Variants in MAP4K4 observed in about 807,000 individuals in gnomAD.
MAP4K4 encodes HPK/GCK-like kinase HGK.
In MAP4K4, 38 loss-of-function variants were observed where a neutral mutation model predicts 189.6. That is an observed-to-expected ratio of 0.20 (90% CI 0.15 to 0.26). The LOEUF (loss-of-function observed/expected upper bound fraction) is 0.26, where lower values mean the gene tolerates loss of function less well. MAP4K4 is among the 10% of genes least tolerant of loss of function. The pLI, the probability that MAP4K4 is intolerant of heterozygous loss-of-function variation, is 1.00. For synonymous variants in MAP4K4, 610 were observed against 624.3 expected, an observed-to-expected ratio of 0.98 and a Z score of 0.34; for missense variants, 1,054 against 1,726.9, an observed-to-expected ratio of 0.61 and a Z score of 6.91.
chr2:101,886,356 A>G (rs1433648552), intron 29 of MAP4K4, among the ~76,000 whole-genome samples: 4 of 152,040 alleles, frequency 2.6e-5, no homozygotes, highest in South Asian at 2.1e-4. Flanking sequence ...CCTTTTCACC[A>G]TTTTAGTCTA....
chr2:101,780,640 A>G (rs2086850954), intron 2 of MAP4K4, among the ~76,000 whole-genome samples: 1 of 152,210 alleles, frequency 6.6e-6, no homozygotes, highest in South Asian at 2.1e-4. Flanking sequence ...TAGCTTTACA[A>G]GGTGTGTTTT....
At chr2:101,698,713 G>C (rs560742965) in intron 2 of MAP4K4, among the ~76,000 whole-genome samples, 175 bp downstream of exon 2, 1 of 152,160 alleles carries the variant, frequency 6.6e-6, no homozygotes, top group African/African-American at 2.4e-5. Flanking sequence ...TTTATATTCA[G>C]ACTGGCCTTA....
chr2:101,698,639 G>T, intron 2 of MAP4K4, 101 bp downstream of exon 2: 1 of 1,146,622 alleles, frequency 8.7e-7, no homozygotes, highest in Non-Finnish European at 1.3e-6. Context: ...AGGCCACGCC[G>T]CTTGGCCAAA....
At chr2:101,793,390 A>C (rs1008380348) in intron 3 of MAP4K4, among the ~76,000 whole-genome samples, 2 of 152,136 alleles carry the variant, frequency 1.3e-5, no homozygotes, top group Admixed American at 1.3e-4. Context: ...CCAAGCCTGC[A>C]TGTCAAAGCT....
At chr2:101,702,456 C>T (rs1286522257) in intron 2 of MAP4K4, among the ~76,000 whole-genome samples, 1 of 152,018 alleles carries the variant, frequency 6.6e-6, no homozygotes, top group African/African-American at 2.4e-5. Flanking sequence ...GTAATCCCGG[C>T]TACTCAGGAG....
Position 101,876,996 on chromosome 2 carries a change from G to T in MAP4K4, c.3242-7G>T. 6.2e-7 allele frequency: 1 copy of T among 1,613,842 alleles called. No homozygotes were observed. The highest frequency in any genetic ancestry group is 8.5e-7 in the Non-Finnish European group (1 of 1,179,818). On this transcript the variant is annotated splice_polypyrimidine_tract_variant and splice_region_variant and intron_variant, in intron 26 of 32. Coordinates refer to ENST00000324219, the Ensembl canonical transcript of MAP4K4. ...AAAATTGAGGCCTTTCTGTGTCCCT[G>T]AAACAGGAGTGAATTTGCTAGTGGG...
intron 2 of MAP4K4, among the ~76,000 whole-genome samples, chr2:101,730,115 T>G (rs17025993): frequency 0.015 from 2,270 of 152,328 alleles, 58 homozygotes; most frequent in African/African-American, 0.051. Context: ...AAAGGCTTAT[T>G]ATAAGGTTTC....
At chr2:101,721,462 G>A (rs1321587493) in intron 2 of MAP4K4, among the ~76,000 whole-genome samples, 1 of 148,478 alleles carries the variant, frequency 6.7e-6, no homozygotes, top group Non-Finnish European at 1.5e-5. Context: ...TTGAGATGGA[G>A]TGTTGCTCTG....
intron 2 of MAP4K4, among the ~76,000 whole-genome samples, chr2:101,788,155 C>T (rs1298373678): frequency 1.3e-5 from 2 of 152,058 alleles, no homozygotes; most frequent in African/African-American, 4.8e-5. Context: ...CATTCCCTCC[C>T]CTTATATTGG....
intron 6 of MAP4K4, among the ~76,000 whole-genome samples, chr2:101,830,365 C>T (rs1328117910): frequency 6.6e-6 from 1 of 152,136 alleles, no homozygotes; most frequent in Non-Finnish European, 1.5e-5. Flanking sequence ...TGGAGTTACT[C>T]ACAAGGGTTC....
At chr2:101,835,227 GT>G (rs1481322156) in intron 8 of MAP4K4, among the ~76,000 whole-genome samples, 2 of 152,132 alleles carry the variant, frequency 1.3e-5, no homozygotes, top group African/African-American at 4.8e-5. Context: ...CTTTCTCTCA[GT>G]TTTTGTTCAC....
chr2:101,770,491 G>T (rs2150343954), intron 2 of MAP4K4, among the ~76,000 whole-genome samples: 1 of 152,164 alleles, frequency 6.6e-6, no homozygotes, highest in African/African-American at 2.4e-5. Flanking sequence ...TGGGCAGGCT[G>T]GTCTTGAACT....
At chr2:101,795,892 TATA>T (rs2093633819) in intron 3 of MAP4K4, among the ~76,000 whole-genome samples, 1 of 152,212 alleles carries the variant, frequency 6.6e-6, no homozygotes, top group Non-Finnish European at 1.5e-5. Flanking sequence ...TTCACAGTAT[TATA>T]ATAATATTAC....
intron 28 of MAP4K4, among the ~76,000 whole-genome samples, chr2:101,884,131 C>T (rs986422255): frequency 7.2e-5 from 11 of 152,074 alleles, no homozygotes; most frequent in Non-Finnish European, 1.2e-4. Context: ...GAATGAATCA[C>T]AAGTATTTTC....
At chr2:101,838,783 T>C (rs1399326268) in intron 9 of MAP4K4, among the ~76,000 whole-genome samples, 2 of 152,244 alleles carry the variant, frequency 1.3e-5, no homozygotes, top group South Asian at 4.1e-4. Context: ...TACCAGACAA[T>C]AGAAGTGATT....
chr2:101,854,950 T>A (rs752050791), intron 12 of MAP4K4, among the ~76,000 whole-genome samples: 1 of 152,224 alleles, frequency 6.6e-6, no homozygotes, highest in Non-Finnish European at 1.5e-5. Context: ...TCATTCATGC[T>A]AGCTATATTT....
chr2:101,734,728 GCTT>G (rs1374420617), intron 2 of MAP4K4, among the ~76,000 whole-genome samples: 4 of 152,142 alleles, frequency 2.6e-5, no homozygotes, highest in African/African-American at 9.7e-5. Flanking sequence ...GCCTTCTGTT[GCTT>G]CTTCTTGAGA....
At chr2:101,766,888 A>C (rs2078859337) in intron 2 of MAP4K4, among the ~76,000 whole-genome samples, 1 of 152,232 alleles carries the variant, frequency 6.6e-6, no homozygotes, top group Non-Finnish European at 1.5e-5. Flanking sequence ...GCAGAGACTT[A>C]CTGAAAATGA....
chr2:101,887,044 A>C, intron 29 of MAP4K4, 44 bp from the exon 30 acceptor site: 3 of 1,168,904 alleles, frequency 2.6e-6, no homozygotes, highest in Non-Finnish European at 2.3e-6. Context: ...AAAAAAAAAA[A>C]TGTTCTCCTT....
Sources: allele counts gnomAD v4.1 joint callset (sites outside exome capture counted in the v4.1 genomes callset), GRCh38; gene constraint gnomAD v4.1.1; transcripts MANE v1.5; gene names NCBI Gene and HGNC (gene_info 2026-07-23, HGNC 2026-07-21).